C2orf80: variants seen among roughly 807,000 people sequenced by gnomAD.
C2orf80 encodes the protein chromosome 2 open reading frame 80, also known as uncharacterized protein C2orf80.
In C2orf80, 28 loss-of-function variants were observed where a neutral mutation model predicts 30.2. That is an observed-to-expected ratio of 0.93 (90% CI 0.69 to 1.27). The LOEUF (loss-of-function observed/expected upper bound fraction) is 1.27. C2orf80 is among the 50% of genes most tolerant of loss of function. C2orf80 has a pLI of 0.00. For synonymous variants in C2orf80, 80 were observed against 76.4 expected, an observed-to-expected ratio of 1.05 and a Z score of -0.24; for missense variants, 220 against 231.0, an observed-to-expected ratio of 0.95 and a Z score of 0.31.
intron 8 of C2orf80, among the ~76,000 whole-genome samples, chr2:208,169,195 T>G (rs1295872917): frequency 6.6e-6 from 1 of 151,604 alleles, no homozygotes; most frequent in Admixed American, 6.6e-5. Context: ...TTGATGAGGC[T>G]TGCGGGGGGT....
chr2:208,180,388 T>G (rs1696515419), intron 6 of C2orf80, among the ~76,000 whole-genome samples: 1 of 150,708 alleles, frequency 6.6e-6, no homozygotes, highest in Non-Finnish European at 1.5e-5. Context: ...GAGGCAGAAG[T>G]GCAGTGAGCC....
At position 208,172,055 on chromosome 2, in the gene C2orf80, G is replaced by C. The variant is rs753803888; in HGVS notation, c.387C>G (p.Leu129=). ...TGGCAAAGGGGTGCAAGGAGAGGCA[G>C]AGAGATGAAACTCGGGGAACCTGAA... ...GTIKVPRVSS[L]CLSLHPFAML... Residue 129 remains leucine (L), a synonymous_variant, in exon 7 of 9, where the codon CTC becomes CTG. Coordinates refer to ENST00000341287, the MANE Select transcript of C2orf80 (RefSeq NM_001099334.3). 6.2e-7 allele frequency: 1 copy of C among 1,613,740 alleles called. No individual in the cohort carries two copies. The highest frequency in any genetic ancestry group is 1.1e-5 in the South Asian group (1 of 91,064).
At chr2:208,170,334 C>A (rs1696054690) in intron 8 of C2orf80, among the ~76,000 whole-genome samples, 1 of 152,198 alleles carries the variant, frequency 6.6e-6, no homozygotes, top group African/African-American at 2.4e-5. Flanking sequence ...CAGCTGAGAG[C>A]CCAGAGCTGG....
At chr2:208,170,815 G>A in intron 8 of C2orf80, 130 bp downstream of exon 8, 1 of 715,604 alleles carries the variant, frequency 1.4e-6, no homozygotes, top group Non-Finnish European at 2.5e-6. Flanking sequence ...CCCATAGCTG[G>A]TAAGCAGTCG....
At chr2:208,172,481 C>T (rs373665609) in intron 6 of C2orf80, among the ~76,000 whole-genome samples, 1 of 152,158 alleles carries the variant, frequency 6.6e-6, no homozygotes, top group South Asian at 2.1e-4. Context: ...TTCCCCCTGC[C>T]TACCCAATGC....
At chr2:208,179,106 G>C (rs1159085786) in intron 6 of C2orf80, among the ~76,000 whole-genome samples, 1 of 152,258 alleles carries the variant, frequency 6.6e-6, no homozygotes, top group East Asian at 1.9e-4. Context: ...GCTCACCACT[G>C]TATCCCCTGC....
At chr2:208,174,476 T>G (rs1015460069) in intron 6 of C2orf80, among the ~76,000 whole-genome samples, 38 of 151,896 alleles carry the variant, frequency 2.5e-4, no homozygotes, top group African/African-American at 8.7e-4. Context: ...TCATCCCGAG[T>G]GGGGGCGAAC....
intron 6 of C2orf80, among the ~76,000 whole-genome samples, chr2:208,177,262 C>T (rs534879834): frequency 3.0e-4 from 46 of 150,990 alleles, no homozygotes; most frequent in African/African-American, 1.1e-3. Flanking sequence ...ATACAAGCGG[C>T]CAGACGTGGT....
chr2:208,165,968 T>C (rs1695874879), intron 8 of C2orf80, among the ~76,000 whole-genome samples, 153 bp from the exon 9 acceptor site: 2 of 152,210 alleles, frequency 1.3e-5, no homozygotes, highest in Non-Finnish European at 2.9e-5. Flanking sequence ...GGAATTTTCA[T>C]GGAATTATTC....
rs1447549014 is a variant in C2orf80, at chr2:208,181,282, G to T, written c.230C>A (p.Pro77His). The T allele has an allele frequency of 1.4e-5, 23 of 1,609,596 alleles. No individual in the cohort carries two copies. Among genetic ancestry groups the T allele is most frequent in the Non-Finnish European group, 1.7e-5 (20 of 1,176,238 alleles). Residue 77 changes from proline (P) to histidine (H), a missense_variant, in exon 5 of 9, where the codon CCC (proline) becomes CAC (histidine). Pro to His is a moderately conservative substitution (Grantham distance 77). Transcript: ENST00000341287. ...EELKIPLHGR[P>H]IYPNRREREA... ...TCGTTCTCTACGATTTGGATATATG[G>T]GTCTGCCATGGAGTGGTATTTTCCT...
intron 8 of C2orf80, among the ~76,000 whole-genome samples, chr2:208,166,038 G>A (rs1488871997): frequency 6.6e-6 from 1 of 152,024 alleles, no homozygotes; most frequent in Non-Finnish European, 1.5e-5. Flanking sequence ...ATCCCATACT[G>A]GATCTTATAC....
intron 6 of C2orf80, among the ~76,000 whole-genome samples, chr2:208,173,773 G>T (rs971748122): frequency 6.6e-6 from 1 of 152,136 alleles, no homozygotes; most frequent in East Asian, 1.9e-4. Context: ...AACCTAGGGC[G>T]AAAGGAAGGG....
intron 8 of C2orf80, among the ~76,000 whole-genome samples, chr2:208,167,213 T>C (rs565693352): frequency 6.6e-6 from 1 of 151,360 alleles, no homozygotes; most frequent in South Asian, 2.1e-4. Flanking sequence ...CAATGCAATT[T>C]AAAAAAAAAA....
chr2:208,179,730 T>C (rs1164085192), intron 6 of C2orf80, among the ~76,000 whole-genome samples: 3 of 151,050 alleles, frequency 2.0e-5, no homozygotes, highest in Admixed American at 6.6e-5. Context: ...ATCAGTCATA[T>C]GGAGGCCCGA....
intron 6 of C2orf80, among the ~76,000 whole-genome samples, chr2:208,177,075 A>C (rs1696375608): frequency 6.9e-6 from 1 of 144,060 alleles, no homozygotes; most frequent in Admixed American, 7.1e-5. Context: ...ATATACGTAT[A>C]TAGATAATGT....
intron 3 of C2orf80, 110 bp from the exon 4 acceptor site, chr2:208,183,157 C>T: frequency 1.3e-6 from 1 of 774,370 alleles, no homozygotes; most frequent in East Asian, 2.6e-5. Context: ...CTGTCATGTC[C>T]AAAATGGGAA....
intron 6 of C2orf80, 44 bp downstream of exon 6, chr2:208,180,701 A>G: frequency 1.4e-6 from 2 of 1,409,856 alleles, no homozygotes; most frequent in Non-Finnish European, 2.0e-6. Flanking sequence ...TAAATAAATT[A>G]TCTCTAAAAA....
intron 3 of C2orf80, 30 bp downstream of exon 3, chr2:208,184,921 T>C (rs377661255): frequency 1.1e-3 from 1,754 of 1,560,412 alleles, no homozygotes; most frequent in Non-Finnish European, 1.5e-3. Flanking sequence ...ATAACACAAA[T>C]ATGACTCGCA....
intron 6 of C2orf80, among the ~76,000 whole-genome samples, chr2:208,173,098 A>T (rs563628742): frequency 2.5e-5 from 3 of 120,546 alleles, no homozygotes; most frequent in African/African-American, 9.3e-5. Context: ...CAGCCTGGGC[A>T]ACAAGAGTTA....
Sources: gnomAD v4.1 joint callset for allele counts (sites outside exome capture counted in the v4.1 genomes callset) on GRCh38, gnomAD v4.1.1 for gene constraint, MANE v1.5 for transcripts, NCBI Gene and HGNC (gene_info 2026-07-23, HGNC 2026-07-21) for gene names.